ANKRD30A: variants seen among roughly 807,000 people sequenced by gnomAD.
The protein encoded by ANKRD30A is ankyrin repeat domain-containing protein 30A.
Under a neutral mutation model 166.3 loss-of-function variants are expected in ANKRD30A, and 170 were observed. The ratio of observed to expected loss-of-function variants is 1.02; its 90% CI spans 0.90 to 1.16. The LOEUF is 1.16. Among genes scored for constraint, ANKRD30A ranks in the 50% most tolerant of loss-of-function variants. The pLI is 0.00. For missense variants in ANKRD30A, 1,630 were observed against 1,518.0 expected, an observed-to-expected ratio of 1.07 and a Z score of -1.23; for synonymous variants, 564 against 508.9, an observed-to-expected ratio of 1.11 and a Z score of -1.46.
chr10:37,217,535 G>C (rs979569891), intron 32 of ANKRD30A, among the ~76,000 whole-genome samples, 160 bp from the exon 33 acceptor site: 11 of 150,750 alleles, frequency 7.3e-5, no homozygotes, highest in African/African-American at 2.4e-4. Flanking sequence ...ATGTCATTTG[G>C]AAGAGTTTGG....
At chr10:37,166,508 A>G in intron 18 of ANKRD30A, 97 bp from the exon 19 acceptor site, 1 of 1,170,266 alleles carries the variant, frequency 8.5e-7, no homozygotes, top group Non-Finnish European at 1.2e-6. Flanking sequence ...AAAGGAGGAA[A>G]TTGTGTTTTT....
At chr10:37,190,323 G>C (rs1588882391) in intron 25 of ANKRD30A, among the ~76,000 whole-genome samples, 1 of 151,746 alleles carries the variant, frequency 6.6e-6, no homozygotes, top group Admixed American at 6.6e-5. Flanking sequence ...CAAGAGGAGA[G>C]GCCTTTTGTG....
chr10:37,145,058 T>C lies in ANKRD30A; in HGVS notation c.1455+2T>C. 6.4e-7 allele frequency: 1 copy of C among 1,566,790 alleles called. No individual in the cohort carries two copies. The stretch of plus-strand genomic sequence containing the variant: ...GAAGAATATTCTTGTGATTCTCGGG[T>C]ATTGTGTATTATTGATGTTATTCTC... On this transcript the variant is annotated splice_donor_variant, in intron 8 of 35. Coordinates refer to ENST00000361713, the MANE Select transcript of ANKRD30A (RefSeq NM_052997.3). LOFTEE classifies it high-confidence loss of function.
chr10:37,159,337 T>A (rs937835409), intron 15 of ANKRD30A, among the ~76,000 whole-genome samples: 26 of 152,044 alleles, frequency 1.7e-4, no homozygotes, highest in Non-Finnish European at 4.4e-5. Context: ...GTCAAATTAG[T>A]GAAACCCCAT....
chr10:37,129,890 T>C lies in ANKRD30A; in HGVS notation c.222-3T>C, dbSNP rs1418585970. 2.0e-6 allele frequency: 3 copies of C among 1,476,814 alleles called. No homozygotes were observed. The highest frequency in any genetic ancestry group is 2.7e-6 in the Non-Finnish European group (3 of 1,108,676). The allele number at this position is 1,476,814 out of a possible 1,614,324, so 91.5% of individuals were successfully genotyped here. On this transcript the variant is annotated splice_region_variant and splice_polypyrimidine_tract_variant and intron_variant, in intron 1 of 35. Transcript: ENST00000361713. Reference sequence around the variant, plus strand: ...TTGCCAAAAAGTCCTCTCACTCTCGTAGGACTGCTCTACACTGGGCCTGTG... The same window carrying C: ...TTGCCAAAAAGTCCTCTCACTCTCGCAGGACTGCTCTACACTGGGCCTGTG...
intron 27 of ANKRD30A, among the ~76,000 whole-genome samples, chr10:37,194,596 C>T (rs902082969): frequency 2.0e-5 from 3 of 152,090 alleles, no homozygotes; most frequent in East Asian, 1.9e-4. Flanking sequence ...GCGCCCGTCT[C>T]GGCCTCCCAA....
chr10:37,154,259 A>G (rs992397322), intron 13 of ANKRD30A, among the ~76,000 whole-genome samples: 2 of 152,190 alleles, frequency 1.3e-5, no homozygotes, highest in African/African-American at 4.8e-5. Flanking sequence ...AATTTGTCAT[A>G]TACACTCCGT....
chr10:37,236,741 A>T (rs1348106915), downstream of ANKRD30A, among the ~76,000 whole-genome samples: 1 of 152,240 alleles, frequency 6.6e-6, no homozygotes, highest in African/African-American at 2.4e-5. Flanking sequence ...TAGATGGCAA[A>T]GAGAAATATG....
intron 6 of ANKRD30A, among the ~76,000 whole-genome samples, chr10:37,138,099 C>T (rs560449286): frequency 5.3e-5 from 8 of 152,298 alleles, no homozygotes; most frequent in Non-Finnish European, 1.0e-4. Flanking sequence ...GCCTCCACTG[C>T]TGATACCCAG....
intron 34 of ANKRD30A, among the ~76,000 whole-genome samples, chr10:37,223,945 T>C (rs772504188): frequency 1.5e-4 from 23 of 151,270 alleles, no homozygotes; most frequent in Middle Eastern, 3.4e-3. Context: ...AATATTTCAA[T>C]ATTTTAGAAC....
intron 25 of ANKRD30A, among the ~76,000 whole-genome samples, chr10:37,191,607 T>A (rs1278723778): frequency 6.6e-6 from 1 of 152,152 alleles, no homozygotes; most frequent in East Asian, 1.9e-4. Flanking sequence ...TTAACACTTT[T>A]TGCAAAAATC....
At chr10:37,164,554 C>A (rs1174039516) in intron 17 of ANKRD30A, among the ~76,000 whole-genome samples, 1 of 152,010 alleles carries the variant, frequency 6.6e-6, no homozygotes, top group East Asian at 1.9e-4. Context: ...TATACACACG[C>A]AAAACACACC....
rs552947090 is a variant in ANKRD30A at position 37,137,930 on chromosome 10, C to A, written c.820+1259C>A. On this transcript the variant is annotated intron_variant, in intron 6 of 35. Coordinates refer to ENST00000361713, the MANE Select transcript of ANKRD30A (RefSeq NM_052997.3). ...GATCTGAGAACGGACAGACTGCCTC[C>A]TCAAGTGGGTCCCAGACCCTCGAGT... Among the ~76,000 whole-genome samples, 36 of 152,300 alleles carry A rather than the reference C, an allele frequency of 2.4e-4. No individual in the cohort carries two copies. In the South Asian group the frequency reaches 7.5e-3, roughly 32 times the overall value.
chr10:37,138,166 T>C (rs997372412), intron 6 of ANKRD30A, among the ~76,000 whole-genome samples: 4 of 152,124 alleles, frequency 2.6e-5, no homozygotes, highest in Non-Finnish European at 4.4e-5. Context: ...CAGCTGAGGA[T>C]CCTGACTGTT....
the ANKRD30A span, among the ~76,000 whole-genome samples, chr10:37,263,782 CTG>C: frequency 6.6e-6 from 1 of 152,080 alleles, no homozygotes; most frequent in African/African-American, 2.4e-5. Flanking sequence ...AGTCCATGGC[CTG>C]TGTCGTGGGT....
chr10:37,152,645 C>A (rs1477874871), intron 12 of ANKRD30A, among the ~76,000 whole-genome samples: 1 of 152,004 alleles, frequency 6.6e-6, no homozygotes, highest in Non-Finnish European at 1.5e-5. Flanking sequence ...GAATAGGAAA[C>A]CTTGTGGGAG....
the ANKRD30A span, among the ~76,000 whole-genome samples, chr10:37,245,457 A>G: frequency 6.6e-6 from 1 of 152,158 alleles, no homozygotes; most frequent in East Asian, 1.9e-4. Flanking sequence ...TGTTGAATAA[A>G]TGTGGGTACA....
At chr10:37,206,208 G>A (rs1018446404) in intron 31 of ANKRD30A, among the ~76,000 whole-genome samples, 4 of 152,042 alleles carry the variant, frequency 2.6e-5, no homozygotes, top group African/African-American at 4.8e-5. Context: ...GTGGGAGGGG[G>A]GAAGAAGCTA....
chr10:37,166,402 G>A (rs59825323), intron 18 of ANKRD30A, among the ~76,000 whole-genome samples: 2,735 of 152,068 alleles, frequency 0.018, 8 homozygotes, highest in African/African-American at 0.062. Flanking sequence ...CCACGTGAAC[G>A]TAAAGATGAG....
Sources: allele counts gnomAD v4.1 joint callset (sites outside exome capture counted in the v4.1 genomes callset), GRCh38; gene constraint gnomAD v4.1.1; transcripts MANE v1.5; gene names NCBI Gene and HGNC (gene_info 2026-07-23, HGNC 2026-07-21).